The following SMAP1 variants were observed in gnomAD, a reference collection of about 807,000 sequenced individuals.
SMAP1 encodes stromal membrane-associated protein 1.
A neutral mutation model predicts 58.5 loss-of-function variants in SMAP1; 24 were observed. That is an observed-to-expected ratio of 0.41 (90% CI 0.30 to 0.58). The LOEUF is 0.58. Ranked by LOEUF, SMAP1 falls within the 20% of genes least tolerant of loss-of-function variation. The pLI, the probability that SMAP1 is intolerant of heterozygous loss-of-function variation, is 0.29. For missense variants in SMAP1, 563 were observed against 566.3 expected (o/e 0.99, Z 0.06); for synonymous variants, 216 against 196.6 (o/e 1.10, Z -0.82).
intron 2 of SMAP1, among the ~76,000 whole-genome samples, chr6:70,746,098 T>C (rs1449848077): frequency 1.3e-5 from 2 of 152,200 alleles, no homozygotes; most frequent in African/African-American, 4.8e-5. Flanking sequence ...TTTCTAAATA[T>C]ACAATCATGT....
intron 5 of SMAP1, among the ~76,000 whole-genome samples, chr6:70,793,821 G>A (rs148750435): frequency 5.3e-5 from 8 of 151,956 alleles, no homozygotes; most frequent in East Asian, 1.9e-4. Flanking sequence ...TGCAACCTCC[G>A]CCTCCCGGGT....
intron 7 of SMAP1, among the ~76,000 whole-genome samples, chr6:70,847,936 CCAA>C (rs761311610): frequency 7.2e-5 from 11 of 152,024 alleles, no homozygotes; most frequent in Non-Finnish European, 1.2e-4. Context: ...TGTGCATGCA[CCAA>C]CAAGGTATAA....
intron 6 of SMAP1, among the ~76,000 whole-genome samples, chr6:70,814,202 C>G (rs933026169): frequency 1.3e-5 from 2 of 152,142 alleles, no homozygotes; most frequent in African/African-American, 4.8e-5. Flanking sequence ...TACTATCAGC[C>G]TGGACCCATT....
intron 10 of SMAP1, chr6:70,859,361 C>T (rs377005332): frequency 4.5e-6 from 7 of 1,549,168 alleles, no homozygotes; most frequent in Non-Finnish European, 6.1e-6. Context: ...TTCTCCAGCA[C>T]TCCATCAGTG....
intron 6 of SMAP1, among the ~76,000 whole-genome samples, chr6:70,835,844 T>G (rs1183143231): frequency 6.6e-6 from 1 of 152,178 alleles, no homozygotes; most frequent in Non-Finnish European, 1.5e-5. Context: ...AAGTAGGCTT[T>G]AGAATTGATA....
intron 8 of SMAP1, among the ~76,000 whole-genome samples, chr6:70,856,021 A>C (rs1320823606): frequency 1.3e-5 from 2 of 152,200 alleles, no homozygotes; most frequent in Non-Finnish European, 2.9e-5. Flanking sequence ...TTTAATTTCC[A>C]CTTGCAACTC....
At chr6:70,826,218 A>C (rs747097618) in intron 6 of SMAP1, among the ~76,000 whole-genome samples, 4 of 152,210 alleles carry the variant, frequency 2.6e-5, no homozygotes, top group Non-Finnish European at 5.9e-5. Flanking sequence ...GAATAATAAG[A>C]AACTTTTTAG....
intron 6 of SMAP1, among the ~76,000 whole-genome samples, chr6:70,805,891 G>C (rs1164422977): frequency 1.3e-5 from 2 of 152,156 alleles, no homozygotes; most frequent in East Asian, 3.9e-4. Context: ...CGTCCCAGAG[G>C]GGTACCCACC....
chr6:70,710,030 A>G (rs1043914589), intron 1 of SMAP1, among the ~76,000 whole-genome samples: 23 of 152,238 alleles, frequency 1.5e-4, no homozygotes, highest in African/African-American at 5.3e-4. Flanking sequence ...GTGTACTTAC[A>G]CAAACTAGCT....
intron 6 of SMAP1, among the ~76,000 whole-genome samples, chr6:70,834,220 A>C (rs1238607026): frequency 6.6e-6 from 1 of 152,178 alleles, no homozygotes; most frequent in East Asian, 1.9e-4. Context: ...CCTTATAAAC[A>C]AGAGTTTCTA....
intron 1 of SMAP1, among the ~76,000 whole-genome samples, chr6:70,673,987 CAA>C (rs1200656523): frequency 4.6e-5 from 7 of 151,966 alleles, no homozygotes; most frequent in African/African-American, 1.7e-4. Flanking sequence ...TGTTGCTGTA[CAA>C]GATATATATA....
At chr6:70,764,637 C>T (rs995054052) in intron 3 of SMAP1, among the ~76,000 whole-genome samples, 1 of 152,170 alleles carries the variant, frequency 6.6e-6, no homozygotes, top group African/African-American at 2.4e-5. Flanking sequence ...CCGTTGAGAC[C>T]TGCTGCTCAG....
chr6:70,700,216 CGTGA>C (rs1182267506), intron 1 of SMAP1, among the ~76,000 whole-genome samples: 3 of 152,200 alleles, frequency 2.0e-5, no homozygotes, highest in Non-Finnish European at 4.4e-5. Flanking sequence ...CACCTTCTGT[CGTGA>C]GTAAAAGCTC....
At chr6:70,765,877 T>C (rs1427924103) in intron 3 of SMAP1, among the ~76,000 whole-genome samples, 7 of 151,798 alleles carry the variant, frequency 4.6e-5, no homozygotes, top group African/African-American at 1.4e-4. Context: ...GTATATCTCC[T>C]AAAGCTATCC....
chr6:70,835,293 G>A (rs1033509391), intron 6 of SMAP1, among the ~76,000 whole-genome samples: 1 of 147,884 alleles, frequency 6.8e-6, no homozygotes, highest in Non-Finnish European at 1.5e-5. Context: ...CCTGGTAATA[G>A]TAGGCTAATT....
chr6:70,791,906 A>G lies in SMAP1; in HGVS notation c.495+137A>G, dbSNP rs1768379041. 4 of 662,548 alleles carry G rather than the reference A, an allele frequency of 6.0e-6. No individual in the cohort carries two copies. The South Asian group carries it at 8.1e-5, about 13-fold the overall frequency. The allele number at this position is 662,548 out of a possible 1,614,324, so 41.0% of individuals were successfully genotyped here. On this transcript the variant is annotated intron_variant, in intron 5 of 10. Transcript: ENST00000370455. ...CCCTAGAATTAAAACAGCAATTTCT[A>G]GAATTTTTTTATACCACAGGTATGA...
At chr6:70,677,112 AC>A (rs1261368361) in intron 1 of SMAP1, among the ~76,000 whole-genome samples, 1 of 151,006 alleles carries the variant, frequency 6.6e-6, no homozygotes, top group Non-Finnish European at 1.5e-5. Flanking sequence ...TTAGAAACTT[AC>A]TGAGTCCACA....
In SMAP1 at chr6:70,791,778, A is replaced by C. The variant is rs377558692; in HGVS notation, c.495+9A>C. 195 of 1,609,260 alleles carry C rather than the reference A, an allele frequency of 1.2e-4. No individual in the cohort carries two copies. Among genetic ancestry groups the C allele is most frequent in the Non-Finnish European group, 1.6e-4 (188 of 1,176,208 alleles). ...ACAAAAATAAATTGGAGGTATGGTCATGTTTTAACCAGCTACATTATGTAG... is the reference window on the plus strand; with the variant it reads ...ACAAAAATAAATTGGAGGTATGGTCCTGTTTTAACCAGCTACATTATGTAG... On this transcript the variant is annotated intron_variant, in intron 5 of 10. Coordinates refer to ENST00000370455, the MANE Select transcript of SMAP1 (RefSeq NM_001044305.3).
intron 3 of SMAP1, among the ~76,000 whole-genome samples, chr6:70,761,312 G>C (rs985968166): frequency 2.6e-5 from 4 of 151,950 alleles, no homozygotes; most frequent in Non-Finnish European, 5.9e-5. Context: ...TTCTGGGATA[G>C]TTTGATATTG....
Sources: allele counts gnomAD v4.1 joint callset (sites outside exome capture counted in the v4.1 genomes callset), GRCh38; gene constraint gnomAD v4.1.1; transcripts MANE v1.5; gene names NCBI Gene and HGNC (gene_info 2026-07-23, HGNC 2026-07-21).